Variants in USP43 observed in about 807,000 individuals in gnomAD.
USP43 encodes the protein ubiquitin specific peptidase 43.
USP43 carries 33 observed loss-of-function variants against 90.7 expected under a neutral mutation model. That is an observed-to-expected ratio of 0.36 (90% confidence interval 0.28 to 0.49). The LOEUF (loss-of-function observed/expected upper bound fraction) is 0.49, where lower values mean the gene tolerates loss of function less well. Among genes scored for constraint, USP43 ranks in the 20% least tolerant of loss-of-function variants. The pLI, the probability that USP43 is intolerant of heterozygous loss-of-function variation, is 0.98. For synonymous variants in USP43, 598 were observed against 615.8 expected (o/e 0.97, Z 0.43); for missense variants, 1,274 against 1,476.4 (o/e 0.86, Z 2.25).
intron 1 of USP43, among the ~76,000 whole-genome samples, chr17:9,647,848 C>CAAAAAAAAAAAAAAAA (rs35223665): frequency 6.1e-5 from 5 of 82,058 alleles, no homozygotes; most frequent in African/African-American, 1.8e-4. Flanking sequence ...ACTAAAAATC[C>CAAAAAAAAAAAAAAAA]AAAAAAAAAA....
chr17:9,692,744 CATT>C (rs1289977874), intron 8 of USP43, among the ~76,000 whole-genome samples: 2 of 152,096 alleles, frequency 1.3e-5, no homozygotes, highest in African/African-American at 4.8e-5. Flanking sequence ...AAAATTGCCT[CATT>C]GTGGGGATGA....
intron 9 of USP43, among the ~76,000 whole-genome samples, chr17:9,696,761 T>G (rs890855800): frequency 6.6e-6 from 1 of 152,220 alleles, no homozygotes; most frequent in African/African-American, 2.4e-5. Flanking sequence ...AGTCCACACT[T>G]GTGAAGGTGG....
At chr17:9,726,519 C>T (rs374422508) in intron 14 of USP43, among the ~76,000 whole-genome samples, 134 of 152,276 alleles carry the variant, frequency 8.8e-4, no homozygotes, top group Non-Finnish European at 1.4e-3. Flanking sequence ...AGGTTCTTCC[C>T]GGCTGCAGAC....
chr17:9,658,632 G>A (rs1201438402), intron 2 of USP43, among the ~76,000 whole-genome samples: 1 of 152,196 alleles, frequency 6.6e-6, no homozygotes, highest in African/African-American at 2.4e-5. Flanking sequence ...TTTGAGATTA[G>A]GGGTGATTTC....
Position 9,712,002 on chromosome 17 carries a change from C to CT in USP43, c.2207dup (p.Leu736PhefsTer30). 6.2e-7 allele frequency: 1 copy of CT among 1,611,908 alleles called. No individual in the cohort carries two copies. Among genetic ancestry groups the CT allele is most frequent in the Non-Finnish European group, 8.5e-7 (1 of 1,179,000 alleles). Reference sequence around the variant, plus strand: ...GCTCCTCCCTGTCTGATCACTGGCTCTTACGGCTCGGGAGCCACGCTGGCA... The same window carrying CT: ...GCTCCTCCCTGTCTGATCACTGGCTCTTTACGGCTCGGGAGCCACGCTGGCA... On this transcript the variant is annotated frameshift_variant, in exon 14 of 15. Transcript: ENST00000285199. LOFTEE classifies it high-confidence loss of function.
intron 13 of USP43, among the ~76,000 whole-genome samples, 163 bp downstream of exon 13, chr17:9,710,277 C>T (rs1050050263): frequency 6.6e-6 from 1 of 152,064 alleles, no homozygotes; most frequent in African/African-American, 2.4e-5. Flanking sequence ...ACTGGTTGCT[C>T]ATTTACCAGG....
At position 9,682,658 on chromosome 17, in the gene USP43, C is replaced by T. The variant is rs147069792; in HGVS notation, c.1106-165C>T. On this transcript the variant is annotated intron_variant, in intron 6 of 14. Coordinates refer to ENST00000285199, the MANE Select transcript of USP43 (RefSeq NM_153210.5). ...TTCGTATGCCAGGCGTCAGATGGCA[C>T]AAATGCCATGAACCTCATTATCTCC... 1.3e-4 allele frequency among the ~76,000 whole-genome samples: 20 copies of T among 152,284 alleles called. No homozygotes were observed. In the East Asian group the frequency reaches 3.7e-3, roughly 28 times the overall value.
chr17:9,681,488 A>T (rs868284724), intron 6 of USP43, among the ~76,000 whole-genome samples: 30,506 of 84,648 alleles, frequency 0.36, 6,560 homozygotes, highest in East Asian at 0.66. Context: ...ATATATATAT[A>T]TATATATATA....
chr17:9,717,886 TC>T, intron 14 of USP43, among the ~76,000 whole-genome samples: 1 of 150,702 alleles, frequency 6.6e-6, no homozygotes, highest in South Asian at 2.1e-4. Context: ...AACCTCCGCC[TC>T]CCGGGTTCAA....
intron 1 of USP43, chr17:9,647,374 TA>T (rs925682582): frequency 2.6e-5 from 4 of 152,190 alleles, no homozygotes; most frequent in Non-Finnish European, 5.9e-5. Context: ...ATTTGCTTTT[TA>T]AGAAAGAGGC....
At chr17:9,695,356 T>A (rs1384334433) in intron 9 of USP43, among the ~76,000 whole-genome samples, 1 of 152,106 alleles carries the variant, frequency 6.6e-6, no homozygotes, top group Non-Finnish European at 1.5e-5. Flanking sequence ...TTTTTTGAGA[T>A]GGAGTCTCAC....
In USP43 at chr17:9,701,267, C is replaced by T. The variant is rs368172346; in HGVS notation, c.1662+22C>T. 1.9e-6 allele frequency: 3 copies of T among 1,602,392 alleles called. No individual in the cohort carries two copies. Among genetic ancestry groups the T allele is most frequent in the Admixed American group, 1.7e-5 (1 of 58,864 alleles). On this transcript the variant is annotated intron_variant, in intron 11 of 14. Transcript: ENST00000285199. The surrounding 1 kb of genome is among the most constrained non-coding windows in gnomAD (Gnocchi z 7.2). ...GCAGGTCCCGCCCTGGGGGTCCATG[C>T]CCCGGCCGGGAAGGGGGCTGGCTGC...
intron 3 of USP43, 97 bp downstream of exon 3, chr17:9,666,848 C>T: frequency 2.2e-6 from 2 of 906,472 alleles, no homozygotes; most frequent in East Asian, 2.7e-5. Flanking sequence ...CCTGAGATTT[C>T]AAAACAACAA....
intron 5 of USP43, 60 bp from the exon 6 acceptor site, chr17:9,680,171 T>A (rs1371889626): frequency 6.3e-7 from 1 of 1,587,344 alleles, no homozygotes; most frequent in Non-Finnish European, 8.6e-7. Context: ...ACTTTTAGAT[T>A]TCTTATCTGT....
At chr17:9,682,322 C>T (rs183661161) in intron 6 of USP43, among the ~76,000 whole-genome samples, 1 of 152,312 alleles carries the variant, frequency 6.6e-6, no homozygotes, top group Non-Finnish European at 1.5e-5. Flanking sequence ...AATCCCAACA[C>T]TTTGGGAGGC....
At chr17:9,704,569 G>A (rs1347971049) in intron 12 of USP43, among the ~76,000 whole-genome samples, 4 of 152,174 alleles carry the variant, frequency 2.6e-5, no homozygotes, top group African/African-American at 9.6e-5. Flanking sequence ...TGCCTTCCTC[G>A]GCCTCCCAAA....
At chr17:9,664,540 A>G (rs189446156) in intron 2 of USP43, among the ~76,000 whole-genome samples, 2 of 152,282 alleles carry the variant, frequency 1.3e-5, no homozygotes, top group Admixed American at 1.3e-4. Context: ...TGGAAATGTT[A>G]GGAAAAATTG....
chr17:9,652,614 G>A (rs2151961825), intron 1 of USP43, among the ~76,000 whole-genome samples: 1 of 151,946 alleles, frequency 6.6e-6, no homozygotes, highest in African/African-American at 2.4e-5. Flanking sequence ...GCCTGCCTTG[G>A]CTCCCCACAA....
chr17:9,711,898 T>G, intron 13 of USP43, 70 bp from the exon 14 acceptor site: 5,236 of 1,379,106 alleles, frequency 3.8e-3, no homozygotes, highest in Non-Finnish European at 4.6e-3. Context: ...GATCTGGTTG[T>G]GAGATGCTCC....
Sources: gnomAD v4.1 joint callset for allele counts (sites outside exome capture counted in the v4.1 genomes callset) on GRCh38, gnomAD v4.1.1 for gene constraint, Gnocchi (gnomAD v3.1) non-coding constraint, MANE v1.5 for transcripts, NCBI Gene and HGNC (gene_info 2026-07-23, HGNC 2026-07-21) for gene names.